ALG9: variants seen among roughly 807,000 people sequenced by gnomAD.
ALG9 encodes the protein ALG9 alpha-1,2-mannosyltransferase.
ALG9 carries 55 observed loss-of-function variants against 81.8 expected under a neutral mutation model. The observed-to-expected ratio is 0.67, with a 90% CI of 0.54 to 0.84. The LOEUF is 0.84. Ranked by LOEUF, ALG9 falls within the 40% of genes least tolerant of loss-of-function variation. The probability of loss-of-function intolerance (pLI) is 0.00; values close to 1 mark genes in which losing one functional copy is unlikely to be tolerated. For missense variants in ALG9, 629 were observed against 745.0 expected, an observed-to-expected ratio of 0.84 and a Z score of 1.81; for synonymous variants, 278 against 274.3, an observed-to-expected ratio of 1.01 and a Z score of -0.13.
chr11:111,839,454 G>A (rs111527825), intron 10 of ALG9, among the ~76,000 whole-genome samples: 1 of 151,750 alleles, frequency 6.6e-6, no homozygotes, highest in Non-Finnish European at 1.5e-5. Flanking sequence ...GCGTGGTGGC[G>A]GGCGCCTGTA....
In ALG9 at chr11:111,869,693, G is replaced by A. The variant is rs375557337; in HGVS notation, c.270+539C>T. ...AATCATCCGCTTAGAATACAAAAGT[G>A]AAAACATGTTACTGGCCAGGCCCAG... On this transcript the variant is annotated intron_variant, in intron 2 of 14. Transcript: ENST00000616540. 5.0e-4 allele frequency among the ~76,000 whole-genome samples: 76 copies of A among 152,304 alleles called. 1 individual carries two copies. The highest frequency in any genetic ancestry group is 1.7e-3 in the African/African-American group (72 of 41,568).
intron 14 of ALG9, among the ~76,000 whole-genome samples, chr11:111,794,793 T>C (rs921826839): frequency 6.6e-6 from 1 of 152,226 alleles, no homozygotes; most frequent in Admixed American, 6.5e-5. Context: ...CTCTCTTGCA[T>C]TGTAGCTCAC....
chr11:111,771,548 A>G, the ALG9 span, among the ~76,000 whole-genome samples: 1 of 152,094 alleles, frequency 6.6e-6, no homozygotes, highest in African/African-American at 2.4e-5. Context: ...CTCCACAGTC[A>G]CCCCACTGTG....
At chr11:111,778,531 T>C (rs1157485352), downstream of ALG9, among the ~76,000 whole-genome samples, 1 of 151,976 alleles carries the variant, frequency 6.6e-6, no homozygotes, top group African/African-American at 2.4e-5. Context: ...GACAGAGAAA[T>C]AGGTCTGTGG....
At chr11:111,806,079 C>T (rs565268526) in intron 14 of ALG9, among the ~76,000 whole-genome samples, 5 of 152,130 alleles carry the variant, frequency 3.3e-5, no homozygotes, top group African/African-American at 1.2e-4. Flanking sequence ...AGGCTGGTTT[C>T]GAACTCCTGG....
chr11:111,861,470 CCCT>C (rs1960094391), intron 4 of ALG9, among the ~76,000 whole-genome samples: 1 of 152,094 alleles, frequency 6.6e-6, no homozygotes, highest in Non-Finnish European at 1.5e-5. Context: ...TCCTTTCTTC[CCCT>C]CCTCCTCCCA....
intron 8 of ALG9, among the ~76,000 whole-genome samples, chr11:111,847,410 C>G (rs1362629817): frequency 6.6e-6 from 1 of 152,214 alleles, no homozygotes; most frequent in Admixed American, 6.5e-5. Flanking sequence ...GGATCCTGTC[C>G]TAAGCTGCAA....
At chr11:111,826,391 T>TAA (rs5794766) in intron 13 of ALG9, among the ~76,000 whole-genome samples, 2 of 145,226 alleles carry the variant, frequency 1.4e-5, no homozygotes, top group Non-Finnish European at 3.0e-5. Flanking sequence ...ATCCAGAGTT[T>TAA]AAAAAAAAAA....
intron 4 of ALG9, among the ~76,000 whole-genome samples, chr11:111,863,047 G>A (rs1960887923): frequency 6.6e-6 from 1 of 152,048 alleles, no homozygotes; most frequent in African/African-American, 2.4e-5. Flanking sequence ...TTTGCCAGAT[G>A]CCACGGGCAC....
At chr11:111,847,895 G>A (rs192693380) in intron 8 of ALG9, among the ~76,000 whole-genome samples, 122 of 152,178 alleles carry the variant, frequency 8.0e-4, no homozygotes, top group African/African-American at 2.8e-3. Flanking sequence ...ACCTTCAAAG[G>A]TATAATTTTC....
chr11:111,813,905 C>T (rs2136472199), intron 13 of ALG9, among the ~76,000 whole-genome samples: 1 of 152,292 alleles, frequency 6.6e-6, no homozygotes, highest in African/African-American at 2.4e-5. Context: ...GCAAAATCTA[C>T]TAAAATTGAA....
At chr11:111,862,802 G>A (rs1555149223) in intron 4 of ALG9, among the ~76,000 whole-genome samples, 1 of 150,808 alleles carries the variant, frequency 6.6e-6, no homozygotes, top group African/African-American at 2.4e-5. Flanking sequence ...CATGTTTTTG[G>A]TTCTTTTACT....
chr11:111,798,937 A>T lies in ALG9; in HGVS notation c.1733+10706T>A, dbSNP rs79279703. Among the ~76,000 whole-genome samples the T allele has an allele frequency of 1.6e-4, 25 of 152,354 alleles. No homozygotes were observed. The East Asian group carries it at 4.6e-3, about 28-fold the overall frequency. ...GAACATCTGGGCTGTCATTCTCCCAAATGGTCTAACACCACTTAGCCTTAT... is the reference window on the plus strand; with the variant it reads ...GAACATCTGGGCTGTCATTCTCCCATATGGTCTAACACCACTTAGCCTTAT... On this transcript the variant is annotated intron_variant, in intron 14 of 14. Coordinates refer to ENST00000616540, the MANE Select transcript of ALG9 (RefSeq NM_024740.2).
At chr11:111,795,896 G>A (rs563128588) in intron 14 of ALG9, among the ~76,000 whole-genome samples, 32 of 152,300 alleles carry the variant, frequency 2.1e-4, no homozygotes, top group African/African-American at 7.2e-4. Flanking sequence ...CTCTTCACCA[G>A]TCTTTTTTCC....
intron 6 of ALG9, among the ~76,000 whole-genome samples, chr11:111,857,207 C>T (rs942613977): frequency 3.9e-5 from 6 of 152,250 alleles, no homozygotes; most frequent in Middle Eastern, 3.4e-3. Flanking sequence ...CAGGGTGGTG[C>T]CGCGTGGAGA....
downstream of ALG9, among the ~76,000 whole-genome samples, chr11:111,778,975 C>T (rs531921712): frequency 7.9e-5 from 12 of 152,018 alleles, no homozygotes; most frequent in Non-Finnish European, 1.8e-4. Context: ...CCACCACGCC[C>T]GACTAATTTT....
chr11:111,817,028 G>C lies in ALG9; in HGVS notation c.1603-7255C>G, dbSNP rs1009588412. On this transcript the variant is annotated intron_variant, in intron 13 of 14. Transcript: ENST00000616540. ...TAATAAAAGTTAAAGAGAAAACAGA[G>C]GGAAAAAGACATAAAGGAGCATGGT... Among the ~76,000 whole-genome samples the C allele has an allele frequency of 3.9e-5, 6 of 152,256 alleles. No individual in the cohort carries two copies. In the South Asian group the frequency reaches 1.0e-3, roughly 26 times the overall value.
intron 13 of ALG9, among the ~76,000 whole-genome samples, chr11:111,815,845 C>A (rs1393472447): frequency 1.3e-5 from 2 of 152,178 alleles, no homozygotes; most frequent in African/African-American, 4.8e-5. Flanking sequence ...TTGACCAGCT[C>A]TATGAAATGT....
rs1370681716 is a variant in ALG9 at position 111,782,993 on chromosome 11, G to A, written c.*3404C>T. The A allele has an allele frequency of 1.3e-5, 2 of 152,174 alleles. No homozygotes were observed. Among genetic ancestry groups the A allele is most frequent in the African/African-American group, 4.8e-5 (2 of 41,434 alleles). The allele number at this position is 152,174 out of a possible 1,614,324, so 9.4% of individuals were successfully genotyped here. On this transcript the variant is annotated 3_prime_UTR_variant, in exon 15 of 15. Coordinates refer to ENST00000616540, the MANE Select transcript of ALG9 (RefSeq NM_024740.2). ...CTTATCAGATGACACCTACCAGGTA[G>A]GAGGTAAATTTTGGTAGCAGATGCC...
Sources: gnomAD v4.1 joint callset for allele counts (sites outside exome capture counted in the v4.1 genomes callset) on GRCh38, gnomAD v4.1.1 for gene constraint, MANE v1.5 for transcripts, NCBI Gene and HGNC (gene_info 2026-07-23, HGNC 2026-07-21) for gene names.